Variants in TPST1 observed in about 807,000 individuals in gnomAD.
The protein encoded by TPST1 is tyrosylprotein sulfotransferase 1.
TPST1 carries 20 observed loss-of-function variants against 34.8 expected under a neutral mutation model. The observed-to-expected ratio is 0.57, with a 90% confidence interval of 0.40 to 0.84. TPST1 has a LOEUF of 0.84. Ranked by LOEUF, TPST1 falls within the 40% of genes least tolerant of loss-of-function variation. The probability of loss-of-function intolerance (pLI) is 0.00; values close to 1 mark genes in which losing one functional copy is unlikely to be tolerated. For missense variants in TPST1, 353 were observed against 455.5 expected, an observed-to-expected ratio of 0.78 and a Z score of 2.05; for synonymous variants, 152 against 159.4, an observed-to-expected ratio of 0.95 and a Z score of 0.35.
At chr7:66,326,461 A>G (rs879553167) in intron 3 of TPST1, among the ~76,000 whole-genome samples, 6 of 152,238 alleles carry the variant, frequency 3.9e-5, no homozygotes, top group Non-Finnish European at 8.8e-5. Context: ...CTTTACTTGT[A>G]TATATTAACT....
chr7:66,326,821 A>G (rs1444499521), intron 3 of TPST1, among the ~76,000 whole-genome samples: 3 of 152,226 alleles, frequency 2.0e-5, no homozygotes, highest in Non-Finnish European at 2.9e-5. Context: ...TAGAAAGAAT[A>G]TCATGCTTCT....
At chr7:66,296,275 C>T (rs1275034254) in intron 3 of TPST1, among the ~76,000 whole-genome samples, 1 of 114,282 alleles carries the variant, frequency 8.8e-6, no homozygotes, top group Non-Finnish European at 1.7e-5. Flanking sequence ...CCGTCTCTGC[C>T]TATCTTTAAA....
At chr7:66,218,625 C>A (rs1183338102) in intron 1 of TPST1, among the ~76,000 whole-genome samples, 1 of 152,084 alleles carries the variant, frequency 6.6e-6, no homozygotes, top group East Asian at 1.9e-4. Flanking sequence ...GCGGGGAGAT[C>A]ACAAGGTCAG....
chr7:66,241,063 C>T lies in TPST1; in HGVS notation c.638C>T (p.Thr213Ile). ...FDLNSYRDCL[T>I]KWNRAIETMY... ...CTGAACAGCTATAGGGACTGTTTGA[C>T]AAAGTGGAATCGTGCTATAGAGACC... The change falls in exon 2 of 6, where the codon ACA becomes ATA. Residue 213 changes from threonine (T) to isoleucine (I), a missense_variant. Transcript: ENST00000304842. 6.2e-7 allele frequency: 1 copy of T among 1,614,188 alleles called. No individual in the cohort carries two copies. Among genetic ancestry groups the T allele is most frequent in the Non-Finnish European group, 8.5e-7 (1 of 1,180,016 alleles).
At chr7:66,222,681 G>C (rs963059064) in intron 1 of TPST1, among the ~76,000 whole-genome samples, 1 of 152,116 alleles carries the variant, frequency 6.6e-6, no homozygotes, top group African/African-American at 2.4e-5. Context: ...GAGGCCAGGC[G>C]TGGAGGGGTC....
At chr7:66,241,311 G>T in intron 2 of TPST1, 41 bp downstream of exon 2, 1 of 1,559,038 alleles carries the variant, frequency 6.4e-7, no homozygotes, top group Non-Finnish European at 8.7e-7. Context: ...TCTATATTTA[G>T]CTAATAATGA....
At chr7:66,286,486 T>C (rs766706486) in intron 2 of TPST1, 25 bp from the exon 3 acceptor site, 1 of 1,467,944 alleles carries the variant, frequency 6.8e-7, no homozygotes, top group South Asian at 1.5e-5. Context: ...TAAATAAATA[T>C]TTATTCATAT....
chr7:66,298,812 A>G (rs1376272418), intron 3 of TPST1, among the ~76,000 whole-genome samples: 1 of 151,988 alleles, frequency 6.6e-6, no homozygotes, highest in Non-Finnish European at 1.5e-5. Flanking sequence ...TGGGCTGCAC[A>G]TTTTTTATAT....
chr7:66,349,248 C>T (rs1792419689), intron 3 of TPST1, among the ~76,000 whole-genome samples: 1 of 152,096 alleles, frequency 6.6e-6, no homozygotes, highest in African/African-American at 2.4e-5. Context: ...AGAGGAGATT[C>T]AGTGTCTGAA....
At chr7:66,271,054 T>G (rs1010640111) in intron 2 of TPST1, among the ~76,000 whole-genome samples, 1 of 152,176 alleles carries the variant, frequency 6.6e-6, no homozygotes, top group Non-Finnish European at 1.5e-5. Context: ...TTTGCTTTTT[T>G]GGGGCCAGTT....
At chr7:66,209,797 A>G (rs987280085) in intron 1 of TPST1, among the ~76,000 whole-genome samples, 15 of 152,180 alleles carry the variant, frequency 9.9e-5, no homozygotes, top group Admixed American at 8.5e-4. Flanking sequence ...CTGGCAGGTA[A>G]CATGAATGAG....
intron 3 of TPST1, among the ~76,000 whole-genome samples, chr7:66,315,608 A>G (rs1791617425): frequency 6.6e-6 from 1 of 152,188 alleles, no homozygotes; most frequent in Non-Finnish European, 1.5e-5. Flanking sequence ...ACAAGACAAG[A>G]AAAAGATCTC....
rs138758662 is a variant in TPST1 at position 66,330,677 on chromosome 7, C to A, written c.1045-21828C>A. 1.6e-3 allele frequency among the ~76,000 whole-genome samples: 240 copies of A among 152,266 alleles called. 3 individuals are homozygous for A. The East Asian group carries it at 0.03, about 19-fold the overall frequency. On this transcript the variant is annotated intron_variant, in intron 3 of 5. Coordinates refer to ENST00000304842, the MANE Select transcript of TPST1 (RefSeq NM_003596.4). ...TTAAAACTCACAGTCCACCTCCTAA[C>A]AATCTAAAATCTACCAACTATCAAT...
chr7:66,335,162 A>G (rs897620876), intron 3 of TPST1, among the ~76,000 whole-genome samples: 2 of 152,178 alleles, frequency 1.3e-5, no homozygotes, highest in Non-Finnish European at 2.9e-5. Flanking sequence ...AGAAACAGCT[A>G]TAAGATTGGG....
Position 66,353,565 on chromosome 7 carries a change from A to G in TPST1, c.1095+1010A>G, listed in dbSNP as rs761508340. On this transcript the variant is annotated intron_variant, in intron 4 of 5. Coordinates refer to ENST00000304842, the MANE Select transcript of TPST1 (RefSeq NM_003596.4). Reference sequence around the variant, plus strand: ...CCTGTTTCCTGGGTTGGAAAGAAACAGGGAGTCTCACGGCTGACATGCCTA... The same window carrying G: ...CCTGTTTCCTGGGTTGGAAAGAAACGGGGAGTCTCACGGCTGACATGCCTA... Among the ~76,000 whole-genome samples the G allele has an allele frequency of 6.6e-5, 10 of 152,338 alleles. No individual in the cohort carries two copies. The South Asian group carries it at 1.2e-3, about 19-fold the overall frequency.
At chr7:66,251,273 C>T (rs559352568) in intron 2 of TPST1, among the ~76,000 whole-genome samples, 2 of 151,994 alleles carry the variant, frequency 1.3e-5, no homozygotes, top group South Asian at 2.1e-4. Flanking sequence ...ATAATAATAC[C>T]GATTGCAGAT....
At chr7:66,322,161 A>G (rs1395084574) in intron 3 of TPST1, among the ~76,000 whole-genome samples, 1 of 152,142 alleles carries the variant, frequency 6.6e-6, no homozygotes, top group African/African-American at 2.4e-5. Context: ...ATATCCTCCT[A>G]TGTTATCTAA....
In TPST1 at chr7:66,360,347, T is replaced by C. The variant is rs1181802410; in HGVS notation, c.*482T>C. The stretch of plus-strand genomic sequence containing the variant: ...AATATCCTAATTATTTAATTCATTG[T>C]ATTGTTTCTGAGAAGTTGGGAAATT... On this transcript the variant is annotated 3_prime_UTR_variant, in exon 6 of 6. Coordinates refer to ENST00000304842, the MANE Select transcript of TPST1 (RefSeq NM_003596.4). 1.3e-5 allele frequency: 2 copies of C among 153,654 alleles called. No homozygotes were observed. The highest frequency in any genetic ancestry group is 1.5e-5 in the Non-Finnish European group (1 of 68,962). The allele number at this position is 153,654 out of a possible 1,614,324, so 9.5% of individuals were successfully genotyped here.
intron 3 of TPST1, among the ~76,000 whole-genome samples, chr7:66,306,686 G>A (rs1791429507): frequency 6.6e-6 from 1 of 152,072 alleles, no homozygotes; most frequent in East Asian, 1.9e-4. Context: ...TTACTTTCCA[G>A]ATCCTCATAT....
Sources: allele counts gnomAD v4.1 joint callset (sites outside exome capture counted in the v4.1 genomes callset), GRCh38; gene constraint gnomAD v4.1.1; transcripts MANE v1.5; gene names NCBI Gene and HGNC (gene_info 2026-07-23, HGNC 2026-07-21).